The following CHRM3 variants were observed in gnomAD, a reference collection of about 807,000 sequenced individuals.
CHRM3 encodes the protein cholinergic receptor muscarinic 3.
In CHRM3, 11 loss-of-function variants were observed where a neutral mutation model predicts 41.8. That is an observed-to-expected ratio of 0.26 (90% CI 0.17 to 0.44). CHRM3 has a LOEUF of 0.44. Ranked by LOEUF, CHRM3 falls within the 20% of genes least tolerant of loss-of-function variation. The pLI is 1.00. For missense variants in CHRM3, 571 were observed against 745.4 expected (o/e 0.77, Z 2.72); for synonymous variants, 297 against 301.4 (o/e 0.99, Z 0.15).
At chr1:239,435,660 G>A (rs1027410344) in intron 1 of CHRM3, among the ~76,000 whole-genome samples, 2 of 152,032 alleles carry the variant, frequency 1.3e-5, no homozygotes, top group African/African-American at 4.8e-5. Context: ...TTAAAAAAAA[G>A]TGTGCGCAGT....
chr1:239,602,529 C>A (rs757945525), intron 3 of CHRM3, among the ~76,000 whole-genome samples: 37 of 152,030 alleles, frequency 2.4e-4, no homozygotes, highest in South Asian at 2.1e-4. Flanking sequence ...ATAGTAGGCA[C>A]CTAATACATG....
At chr1:239,593,381 G>A (rs922336708) in intron 3 of CHRM3, among the ~76,000 whole-genome samples, 1 of 151,780 alleles carries the variant, frequency 6.6e-6, no homozygotes, top group African/African-American at 2.4e-5. Flanking sequence ...GATGCCTGAG[G>A]CCCTGATTTC....
intron 5 of CHRM3, among the ~76,000 whole-genome samples, chr1:239,760,512 A>G (rs1279352602): frequency 6.6e-6 from 1 of 151,896 alleles, no homozygotes; most frequent in Non-Finnish European, 1.5e-5. Flanking sequence ...TTTCTTATCT[A>G]TTGCTGAACA....
chr1:239,682,220 G>T (rs1300771943), intron 5 of CHRM3, among the ~76,000 whole-genome samples: 1 of 152,154 alleles, frequency 6.6e-6, no homozygotes, highest in Admixed American at 6.5e-5. Context: ...AGATGGACTG[G>T]CCTCGTGTAC....
intron 5 of CHRM3, among the ~76,000 whole-genome samples, chr1:239,692,049 T>G (rs1659769414): frequency 6.6e-6 from 1 of 152,258 alleles, no homozygotes; most frequent in South Asian, 2.1e-4. Flanking sequence ...TCCAGAAATC[T>G]ACTCCGGTTT....
chr1:239,635,842 T>C (rs1283221236), intron 4 of CHRM3, among the ~76,000 whole-genome samples: 2 of 152,198 alleles, frequency 1.3e-5, no homozygotes, highest in East Asian at 3.8e-4. Flanking sequence ...TAAATGTTTG[T>C]TGAGTAAATG....
chr1:239,622,503 A>T (rs1668492086), intron 3 of CHRM3, among the ~76,000 whole-genome samples: 2 of 152,172 alleles, frequency 1.3e-5, no homozygotes, highest in African/African-American at 4.8e-5. Context: ...GAGTTTGAAG[A>T]AGTAGATTTC....
chr1:239,675,326 G>A (rs950258719), intron 4 of CHRM3, among the ~76,000 whole-genome samples: 7 of 152,060 alleles, frequency 4.6e-5, no homozygotes, highest in African/African-American at 7.2e-5. Flanking sequence ...GAGACTTTTT[G>A]ACTTGTTTTT....
intron 5 of CHRM3, among the ~76,000 whole-genome samples, chr1:239,700,168 T>G (rs1660554807): frequency 1.3e-5 from 2 of 152,184 alleles, no homozygotes; most frequent in Non-Finnish European, 1.5e-5. Flanking sequence ...TGTATACCTT[T>G]CTATCGAGGT....
chr1:239,881,108 C>T (rs535727279), intron 6 of CHRM3, among the ~76,000 whole-genome samples: 1 of 151,478 alleles, frequency 6.6e-6, no homozygotes, highest in Non-Finnish European at 1.5e-5. Context: ...ACGGTGAAAC[C>T]CCGTCTCTAC....
At chr1:239,506,055 G>T (rs1410395167) in intron 2 of CHRM3, among the ~76,000 whole-genome samples, 3 of 152,130 alleles carry the variant, frequency 2.0e-5, no homozygotes, top group African/African-American at 7.2e-5. Flanking sequence ...GGTGACTTGG[G>T]TGCTGTTAAA....
chr1:239,778,736 C>A (rs1668292690), intron 5 of CHRM3, among the ~76,000 whole-genome samples: 2 of 152,164 alleles, frequency 1.3e-5, no homozygotes. Context: ...GGATTTGATT[C>A]AGAAATGACT....
chr1:239,465,173 T>G (rs538862038), intron 1 of CHRM3, among the ~76,000 whole-genome samples: 1 of 152,272 alleles, frequency 6.6e-6, no homozygotes, highest in South Asian at 2.1e-4. Flanking sequence ...TAAACACGCA[T>G]GGATAGGCCA....
chr1:239,758,489 G>A (rs1666422971), intron 5 of CHRM3, among the ~76,000 whole-genome samples: 1 of 152,124 alleles, frequency 6.6e-6, no homozygotes. Context: ...GAAAATGGTT[G>A]GCAATTGCTT....
intron 6 of CHRM3, among the ~76,000 whole-genome samples, chr1:239,866,459 T>C (rs1331674038): frequency 6.6e-6 from 1 of 152,016 alleles, no homozygotes; most frequent in East Asian, 1.9e-4. Context: ...GATCCTAGAT[T>C]CACCAGACAC....
intron 4 of CHRM3, among the ~76,000 whole-genome samples, chr1:239,668,005 A>G (rs777112513): frequency 5.3e-5 from 8 of 152,020 alleles, no homozygotes; most frequent in Middle Eastern, 3.5e-3. Flanking sequence ...AATTTTATTA[A>G]GAATTCACTA....
intron 5 of CHRM3, among the ~76,000 whole-genome samples, chr1:239,819,947 G>A (rs1258501035): frequency 4.6e-5 from 7 of 152,222 alleles, no homozygotes; most frequent in South Asian, 2.1e-4. Context: ...CTGTCCAACC[G>A]GATGCCTGGA....
At chr1:239,469,426 C>T (rs1474468627) in intron 1 of CHRM3, among the ~76,000 whole-genome samples, 1 of 152,218 alleles carries the variant, frequency 6.6e-6, no homozygotes, top group African/African-American at 2.4e-5. Context: ...GGTTTTTTAA[C>T]AAATGCACGT....
intron 1 of CHRM3, among the ~76,000 whole-genome samples, chr1:239,419,714 G>C (rs1553297509): frequency 6.6e-6 from 1 of 152,128 alleles, no homozygotes; most frequent in Non-Finnish European, 1.5e-5. Context: ...ACAAGTACCT[G>C]TCAGGACATG....
Sources: gnomAD v4.1 joint callset for allele counts (sites outside exome capture counted in the v4.1 genomes callset) on GRCh38, gnomAD v4.1.1 for gene constraint, MANE v1.5 for transcripts, NCBI Gene and HGNC (gene_info 2026-07-23, HGNC 2026-07-21) for gene names.